TEX11: variants seen among roughly 807,000 people sequenced by gnomAD.
TEX11 encodes the protein testis-expressed protein 11.
TEX11 carries 7 observed loss-of-function variants against 84.4 expected under a neutral mutation model. The ratio of observed to expected loss-of-function variants is 0.08; its 90% CI spans 0.05 to 0.16. The LOEUF is 0.16. Among genes scored for constraint, TEX11 ranks in the 10% least tolerant of loss-of-function variants. The probability of loss-of-function intolerance (pLI) is 1.00; values close to 1 mark genes in which losing one functional copy is unlikely to be tolerated. For synonymous variants in TEX11, 264 were observed against 222.8 expected (o/e 1.18, Z -1.64); for missense variants, 551 against 660.5 (o/e 0.83, Z 1.82).
chrX:70,842,350 C>T (rs897429592), intron 7 of TEX11, among the ~76,000 whole-genome samples: 1 of 111,070 alleles, frequency 9.0e-6, no homozygotes, highest in Non-Finnish European at 1.9e-5. Flanking sequence ...TAAATGTAAT[C>T]CAGCATATAA....
In TEX11 at chrX:70,607,079, C is replaced by A. The variant is rs776876208; in HGVS notation, c.1880-50G>T. The A allele has an allele frequency of 7.3e-6, 7 of 965,242 alleles. No homozygotes were observed. In the South Asian group the frequency reaches 1.5e-4, roughly 20 times the overall value. The allele number at this position is 965,242 out of a possible 1,213,427, so 79.5% of individuals were successfully genotyped here. A position where few individuals can be genotyped will look rare whatever the true frequency, so the allele number is the denominator to read the frequency against. On this transcript the variant is annotated intron_variant, in intron 22 of 29. Transcript: ENST00000374333. ...AATAATATGAAATTATGAAAATCTA[C>A]CATTTAGTCTGTACCATTACAATTT...
At chrX:70,632,121 G>A (rs867753180) in intron 17 of TEX11, among the ~76,000 whole-genome samples, 5 of 92,152 alleles carry the variant, frequency 5.4e-5, no homozygotes, top group Non-Finnish European at 8.6e-5. Flanking sequence ...AGGAAAACCT[G>A]AAAAAAAAAA....
intron 25 of TEX11, among the ~76,000 whole-genome samples, chrX:70,578,761 CTTCTT>C (rs1481282066): frequency 2.4e-5 from 2 of 84,949 alleles, no homozygotes; most frequent in African/African-American, 9.0e-5. Flanking sequence ...AGAAGTTGAA[CTTCTT>C]TTTTTTTTTT....
intron 25 of TEX11, among the ~76,000 whole-genome samples, chrX:70,580,206 A>G (rs1453179103): frequency 8.9e-6 from 1 of 112,407 alleles, no homozygotes; most frequent in Non-Finnish European, 1.9e-5. Context: ...CCAGGCATAG[A>G]AAGACAAACC....
chrX:70,877,923 T>C (rs1011853046), intron 3 of TEX11, among the ~76,000 whole-genome samples: 22 of 111,137 alleles, frequency 2.0e-4, no homozygotes, highest in African/African-American at 6.9e-4. Context: ...TTAATGGATA[T>C]AGAGTTTCAG....
intron 16 of TEX11, among the ~76,000 whole-genome samples, chrX:70,656,648 T>C (rs2089869464): frequency 9.0e-6 from 1 of 110,988 alleles, no homozygotes; most frequent in Non-Finnish European, 1.9e-5. Flanking sequence ...AGACCTGCAT[T>C]ATGTCAGCAT....
chrX:70,661,656 G>A (rs911089394), intron 16 of TEX11, among the ~76,000 whole-genome samples: 2 of 111,442 alleles, frequency 1.8e-5, no homozygotes, highest in African/African-American at 6.5e-5. Flanking sequence ...TCACACAGCC[G>A]GGTACTCCTC....
At chrX:70,528,608 A>C (rs1017891720), downstream of TEX11, among the ~76,000 whole-genome samples, 19 of 110,325 alleles carry the variant, frequency 1.7e-4, no homozygotes, top group Non-Finnish European at 3.2e-4. Flanking sequence ...TTACAGGCAC[A>C]AGCCACTACG....
intron 11 of TEX11, among the ~76,000 whole-genome samples, chrX:70,733,534 CA>C (rs1457466410): frequency 9.1e-6 from 1 of 109,631 alleles, no homozygotes; most frequent in Admixed American, 9.7e-5. Flanking sequence ...TTTATACAGC[CA>C]AAAAAAACAC....
intron 13 of TEX11, among the ~76,000 whole-genome samples, chrX:70,690,639 G>A (rs749152649): frequency 4.8e-4 from 53 of 111,544 alleles, no homozygotes; most frequent in Non-Finnish European, 8.3e-4. Flanking sequence ...CCAGGAGTCT[G>A]AGGTTACAGT....
chrX:70,730,584 G>A (rs968216614), intron 11 of TEX11, among the ~76,000 whole-genome samples: 4 of 111,805 alleles, frequency 3.6e-5, no homozygotes, highest in Non-Finnish European at 7.5e-5. Flanking sequence ...AAAAGGATCA[G>A]TTCAACAAGA....
chrX:70,592,827 C>A (rs918371651), intron 24 of TEX11, among the ~76,000 whole-genome samples: 2 of 110,696 alleles, frequency 1.8e-5, no homozygotes, highest in African/African-American at 3.3e-5. Flanking sequence ...TGGAACAGAG[C>A]GTGGGGAAGT....
At chrX:70,868,432 T>A (rs1392693923) in intron 4 of TEX11, among the ~76,000 whole-genome samples, 1 of 110,865 alleles carries the variant, frequency 9.0e-6, no homozygotes, top group Non-Finnish European at 1.9e-5. Context: ...TTGGTGGGAG[T>A]GTAAATTAGT....
chrX:70,623,933 T>C lies in TEX11; in HGVS notation c.1751+17A>G, dbSNP rs774991174. ...TTGTCTAATGGGGAATACATCATTT[T>C]TGTTGAAATAACTCACTTATCTTCA... On this transcript the variant is annotated intron_variant, in intron 20 of 29. Transcript: ENST00000374333. The C allele has an allele frequency of 1.8e-5, 21 of 1,188,212 alleles. No homozygotes were observed. Among genetic ancestry groups the C allele is most frequent in the Admixed American group, 2.2e-5 (1 of 44,574 alleles).
At chrX:70,661,349 G>A (rs1231070704) in intron 16 of TEX11, among the ~76,000 whole-genome samples, 2 of 112,458 alleles carry the variant, frequency 1.8e-5, no homozygotes, top group Non-Finnish European at 3.8e-5. Flanking sequence ...CCATTGCCCA[G>A]GCTTGAGTAG....
chrX:70,513,791 G>A, the TEX11 span, among the ~76,000 whole-genome samples: 1 of 108,729 alleles, frequency 9.2e-6, no homozygotes, highest in Non-Finnish European at 1.9e-5. Context: ...CGAGAGCCGT[G>A]TTGATCTGAT....
At chrX:70,560,903 T>G (rs1318780077) in intron 25 of TEX11, among the ~76,000 whole-genome samples, 1 of 58,957 alleles carries the variant, frequency 1.7e-5, no homozygotes, top group Non-Finnish European at 3.3e-5. Flanking sequence ...GTTTTTTTTT[T>G]TTTTTTTTTT....
chrX:70,685,921 G>GT (rs779205202), intron 13 of TEX11, among the ~76,000 whole-genome samples: 2,656 of 107,932 alleles, frequency 0.025, 49 homozygotes, highest in Admixed American at 0.071. Flanking sequence ...TTTTGACAAG[G>GT]TTTTTTTTTT....
In TEX11 at chrX:70,749,952, C is replaced by T. The variant is rs1164264913; in HGVS notation, c.693-5733G>A. ...CTAATTAAACTAAAGAGCTTCTGCA[C>T]AGCAAAAGAAACTACCATCAGAGTG... On this transcript the variant is annotated intron_variant, in intron 9 of 29. Transcript: ENST00000374333. 3.6e-5 allele frequency among the ~76,000 whole-genome samples: 4 copies of T among 110,755 alleles called. No individual in the cohort carries two copies. The East Asian group carries it at 8.4e-4, about 23-fold the overall frequency.
Sources: gnomAD v4.1 joint callset for allele counts (sites outside exome capture counted in the v4.1 genomes callset) on GRCh38, gnomAD v4.1.1 for gene constraint, MANE v1.5 for transcripts, NCBI Gene and HGNC (gene_info 2026-07-23, HGNC 2026-07-21) for gene names.